The following ITGB2 variants were observed in gnomAD, a reference collection of about 807,000 sequenced individuals.
ITGB2 encodes the protein integrin beta-2.
In ITGB2, 56 loss-of-function variants were observed where a neutral mutation model predicts 86.8. That is an observed-to-expected ratio of 0.65 (90% CI 0.52 to 0.81). The LOEUF (loss-of-function observed/expected upper bound fraction) is 0.81, where lower values mean the gene tolerates loss of function less well. ITGB2 is among the 30% of genes least tolerant of loss of function. ITGB2 has a pLI of 0.00. For synonymous variants in ITGB2, 457 were observed against 450.4 expected, an observed-to-expected ratio of 1.01 and a Z score of -0.19; for missense variants, 948 against 1,061.2, an observed-to-expected ratio of 0.89 and a Z score of 1.48.
chr21:44,890,326 T>C, intron 11 of ITGB2, 104 bp from the exon 12 acceptor site: 2 of 1,459,148 alleles, frequency 1.4e-6, no homozygotes, highest in Non-Finnish European at 1.9e-6. Flanking sequence ...AGAACACCCC[T>C]ATGGCACATT....
intron 4 of ITGB2, among the ~76,000 whole-genome samples, chr21:44,904,214 G>A (rs1477600391): frequency 1.3e-5 from 2 of 152,056 alleles, no homozygotes; most frequent in Non-Finnish European, 2.9e-5. Flanking sequence ...GCCCCCCTGG[G>A]CGGCAGGACA....
At chr21:44,903,678 C>A (rs2084000491) in intron 4 of ITGB2, 143 bp from the exon 5 acceptor site, 2 of 936,414 alleles carry the variant, frequency 2.1e-6, no homozygotes, top group South Asian at 2.8e-5. Flanking sequence ...CCCCGCCTGG[C>A]AGGAGAGCTG....
intron 1 of ITGB2, chr21:44,928,074 TC>T (rs2084398788): frequency 6.9e-6 from 1 of 145,532 alleles, no homozygotes; most frequent in African/African-American, 2.6e-5. Context: ...TCCTCCCTCC[TC>T]TGCCTTCCTC....
At chr21:44,908,657 C>T (rs1268663738) in intron 3 of ITGB2, among the ~76,000 whole-genome samples, 1 of 149,614 alleles carries the variant, frequency 6.7e-6, no homozygotes, top group Non-Finnish European at 1.5e-5. Flanking sequence ...TGCTGACACT[C>T]CTGGCCAAAT....
chr21:44,917,509 CT>C, intron 1 of ITGB2, among the ~76,000 whole-genome samples: 1 of 152,344 alleles, frequency 6.6e-6, no homozygotes, highest in East Asian at 1.9e-4. Flanking sequence ...AAGCTACTGG[CT>C]TTCTTGTTCC....
chr21:44,903,322 CTGGGAAAGGACTGGGTT>C, intron 5 of ITGB2, 26 bp downstream of exon 5: 1 of 1,612,862 alleles, frequency 6.2e-7, no homozygotes, highest in Non-Finnish European at 8.5e-7. Flanking sequence ...TGGCCAGGGT[CTGGGAAAGGACTGGGTT>C]TTGTCCTGCA....
At chr21:44,889,238 G>T (rs775436628) in intron 13 of ITGB2, 38 bp downstream of exon 13, 3 of 1,594,998 alleles carry the variant, frequency 1.9e-6, no homozygotes, top group Non-Finnish European at 1.7e-6. Flanking sequence ...CGGGGAGTGG[G>T]GATCCCTGCC....
intron 1 of ITGB2, among the ~76,000 whole-genome samples, chr21:44,915,276 G>A (rs1016146113): frequency 2.0e-5 from 3 of 152,200 alleles, no homozygotes; most frequent in South Asian, 2.1e-4. Context: ...CGCCCACCTC[G>A]GCCTCCCAAA....
rs375749691 is a variant in ITGB2 at position 44,906,991 on chromosome 21, G to A, written c.252C>T (p.Leu84=). Residue 84 remains leucine, a synonymous_variant, in exon 4 of 16, where the codon CTC becomes CTT. Transcript: ENST00000652462. ...CATTGTGGTCTTCCTGGGTTTCAGC[G>A]AGGCTTGTGGGGTCCATGATGTCGT... is the stretch of plus-strand genomic sequence containing the variant. ...AADDIMDPTS[L]AETQEDHNGG... is the part of the protein sequence containing the mutation. 140 of 1,614,194 alleles carry A rather than the reference G, an allele frequency of 8.7e-5. 1 individual carries two copies. Among genetic ancestry groups the A allele is most frequent in the Non-Finnish European group, 1.1e-4 (129 of 1,180,030 alleles).
At chr21:44,893,760 C>A in intron 9 of ITGB2, 1 of 593,242 alleles carries the variant, frequency 1.7e-6, no homozygotes, top group Non-Finnish European at 3.1e-6. Flanking sequence ...CAGGGACTAG[C>A]ATGGAGCCAG....
chr21:44,918,299 G>A (rs138732456), intron 1 of ITGB2, among the ~76,000 whole-genome samples: 2 of 152,338 alleles, frequency 1.3e-5, no homozygotes, highest in African/African-American at 2.4e-5. Context: ...AGCAAGGGGG[G>A]CCCACACAGG....
chr21:44,890,347 C>G, intron 11 of ITGB2, 125 bp from the exon 12 acceptor site: 1 of 1,255,504 alleles, frequency 8.0e-7, no homozygotes, highest in South Asian at 1.3e-5. Flanking sequence ...TTGCTTTCCT[C>G]GAGGCCTACT....
At chr21:44,916,999 C>T (rs966421202) in intron 1 of ITGB2, among the ~76,000 whole-genome samples, 2 of 152,024 alleles carry the variant, frequency 1.3e-5, no homozygotes, top group Admixed American at 6.6e-5. Flanking sequence ...AAATGGTAAT[C>T]TTCATCTCTA....
intron 5 of ITGB2, 51 bp from the exon 6 acceptor site, chr21:44,901,784 G>A (rs1339264456): frequency 1.3e-6 from 2 of 1,577,154 alleles, no homozygotes; most frequent in Admixed American, 3.5e-5. Context: ...GCCCAGGTGG[G>A]AGGGCCAGCT....
At chr21:44,912,305 C>T (rs1159114936) in intron 1 of ITGB2, among the ~76,000 whole-genome samples, 4 of 152,032 alleles carry the variant, frequency 2.6e-5, no homozygotes, top group Admixed American at 1.3e-4. Context: ...CTCGGGTGCC[C>T]TCAGCCACAG....
intron 10 of ITGB2, 133 bp from the exon 11 acceptor site, chr21:44,892,129 A>C: frequency 1.1e-6 from 1 of 872,334 alleles, no homozygotes; most frequent in Non-Finnish European, 1.8e-6. Flanking sequence ...GACCAGGAGC[A>C]GGAAGAGCTG....
chr21:44,902,855 G>A (rs1271099785), intron 5 of ITGB2, among the ~76,000 whole-genome samples: 2 of 152,234 alleles, frequency 1.3e-5, no homozygotes, highest in African/African-American at 2.4e-5. Context: ...CGCATGTAGG[G>A]AAGGTGGCAG....
intron 9 of ITGB2, chr21:44,893,878 G>A (rs1406935323): frequency 1.1e-5 from 4 of 364,164 alleles, no homozygotes; most frequent in African/African-American, 6.3e-5. Flanking sequence ...AGAGAGATGG[G>A]GAGAAACAGA....
At chr21:44,904,009 C>T (rs1016126580) in intron 4 of ITGB2, among the ~76,000 whole-genome samples, 6 of 152,186 alleles carry the variant, frequency 3.9e-5, no homozygotes, top group African/African-American at 1.2e-4. Flanking sequence ...CCTGGACTTC[C>T]GCTCGCCCGC....
Sources: gnomAD v4.1 joint callset for allele counts (sites outside exome capture counted in the v4.1 genomes callset) on GRCh38, gnomAD v4.1.1 for gene constraint, MANE v1.5 for transcripts, NCBI Gene and HGNC (gene_info 2026-07-23, HGNC 2026-07-21) for gene names.